The following PTPRG variants were observed in gnomAD, a reference collection of about 807,000 sequenced individuals.
PTPRG encodes receptor-type tyrosine-protein phosphatase gamma.
In PTPRG, 102 loss-of-function variants were observed where a neutral mutation model predicts 165.3. The observed-to-expected ratio is 0.62, with a 90% CI of 0.53 to 0.73. PTPRG has a LOEUF of 0.73. Ranked by LOEUF, PTPRG falls within the 30% of genes least tolerant of loss-of-function variation. The pLI is 0.00. For synonymous variants in PTPRG, 675 were observed against 669.5 expected (o/e 1.01, Z -0.13); for missense variants, 1,866 against 1,861.4 (o/e 1.00, Z -0.05).
At chr3:61,760,757 G>A (rs11916055) in intron 2 of PTPRG, among the ~76,000 whole-genome samples, 8,251 of 152,076 alleles carry the variant, frequency 0.054, 575 homozygotes, top group African/African-American at 0.16. Flanking sequence ...GCTCTCCCTC[G>A]CCCCTCCCTG....
At chr3:61,703,792 C>T (rs1231970493) in intron 1 of PTPRG, among the ~76,000 whole-genome samples, 1 of 152,014 alleles carries the variant, frequency 6.6e-6, no homozygotes, top group Non-Finnish European at 1.5e-5. Flanking sequence ...AAGGAAATTC[C>T]CAATTCTATT....
At chr3:62,186,892 G>A (rs1395410425) in intron 8 of PTPRG, among the ~76,000 whole-genome samples, 3 of 152,138 alleles carry the variant, frequency 2.0e-5, no homozygotes, top group African/African-American at 7.2e-5. Flanking sequence ...TAAGGGGGCT[G>A]GGGTGGGGGC....
chr3:62,275,926 G>C lies in PTPRG; in HGVS notation c.3519G>C (p.Glu1173Asp), dbSNP rs374009338. 5 of 1,611,892 alleles carry C rather than the reference G, an allele frequency of 3.1e-6. No individual in the cohort carries two copies. The highest frequency in any genetic ancestry group is 1.3e-5 in the African/African-American group (1 of 74,826). Reference sequence around the variant, plus strand: ...TGGAATGTTTCAGTGCTCAGAAAGAGTGTAACAAAGAAAAGAACAGAAACT... The same window carrying C: ...TGGAATGTTTCAGTGCTCAGAAAGACTGTAACAAAGAAAAGAACAGAAACT... ...KYVECFSAQK[E>D]CNKEKNRNSS... The change falls in exon 24 of 30, where the codon GAG (glutamate) becomes GAC (aspartate). Residue 1173 changes from glutamate to aspartate, a missense_variant. This residue lies in a region of PTPRG where 1,452 missense variants were observed against 1,463.0 expected (regional missense o/e 0.99). Coordinates refer to ENST00000474889, the MANE Select transcript of PTPRG (RefSeq NM_002841.4).
intron 1 of PTPRG, among the ~76,000 whole-genome samples, chr3:61,692,181 GT>G (rs1172510114): frequency 6.6e-6 from 1 of 152,204 alleles, no homozygotes; most frequent in Non-Finnish European, 1.5e-5. Flanking sequence ...TTGATGAAGA[GT>G]TTTATGTTGC....
chr3:61,780,955 A>G (rs915916353), intron 2 of PTPRG, among the ~76,000 whole-genome samples: 2 of 152,268 alleles, frequency 1.3e-5, no homozygotes, highest in Non-Finnish European at 2.9e-5. Context: ...GAGCTCTCCT[A>G]CAACAGGCCT....
At chr3:61,649,705 G>A (rs900406303) in intron 1 of PTPRG, among the ~76,000 whole-genome samples, 1 of 152,196 alleles carries the variant, frequency 6.6e-6, no homozygotes, top group African/African-American at 2.4e-5. Flanking sequence ...TGGATTTATT[G>A]TGTTGAGTAT....
intron 2 of PTPRG, among the ~76,000 whole-genome samples, chr3:61,762,156 C>T (rs539697456): frequency 6.0e-4 from 91 of 152,286 alleles, no homozygotes; most frequent in Non-Finnish European, 1.2e-3. Flanking sequence ...ATGGTCCACA[C>T]TCTCCTCTTG....
chr3:61,755,963 A>G (rs2033620807), intron 2 of PTPRG, among the ~76,000 whole-genome samples: 2 of 152,260 alleles, frequency 1.3e-5, no homozygotes, highest in South Asian at 2.1e-4. Flanking sequence ...GCAGGATGAA[A>G]AATGATGGGG....
intron 2 of PTPRG, among the ~76,000 whole-genome samples, chr3:61,938,295 G>A (rs1210993234): frequency 6.7e-6 from 1 of 149,382 alleles, no homozygotes; most frequent in African/African-American, 2.5e-5. Context: ...CACATGATAC[G>A]GGTGTATAAA....
rs543069596 is a variant in PTPRG, at chr3:62,053,056, A to C, written c.520-25107A>C. On this transcript the variant is annotated intron_variant, in intron 4 of 29. Coordinates refer to ENST00000474889, the MANE Select transcript of PTPRG (RefSeq NM_002841.4). ...GAATCCATTCGCTTTTCCAGTTTCA[A>C]TAGTGTTTGACAAAAGGAATGTGTT... is the stretch of plus-strand genomic sequence containing the variant. Among the ~76,000 whole-genome samples, 156 of 152,236 alleles carry C rather than the reference A, an allele frequency of 1.0e-3. 1 individual carries two copies. The highest frequency in any genetic ancestry group is 3.4e-3 in the Middle Eastern group (1 of 292).
At position 61,969,673 on chromosome 3, in the gene PTPRG, C is replaced by G. The variant is rs28550151; in HGVS notation, c.191-19952C>G. Among the ~76,000 whole-genome samples the G allele has an allele frequency of 1.4e-4, 22 of 152,180 alleles. 1 individual carries two copies. The highest frequency in any genetic ancestry group is 3.4e-3 in the Middle Eastern group (1 of 294). ...ACCTACAGACTCGGTCACCCTCAGT[C>G]CCTGCATCGTGCATGGACCCTGGTG... On this transcript the variant is annotated intron_variant, in intron 2 of 29. Transcript: ENST00000474889.
rs1702125848 is a variant in PTPRG, at chr3:62,273,098, A to T, written c.3318+17A>T. The T allele has an allele frequency of 2.5e-6, 4 of 1,596,014 alleles. No homozygotes were observed. In the East Asian group the frequency reaches 9.0e-5, roughly 36 times the overall value. On this transcript the variant is annotated intron_variant, in intron 22 of 29. Transcript: ENST00000474889. The surrounding 1 kb of genome is among the most constrained non-coding windows in gnomAD (Gnocchi z 4.1). ...CAGACTGAGGTAAGGAGTAGCTGCC[A>T]GCGTCCTCACGACATTCTGGCAAAT...
At chr3:62,262,927 C>A (rs527810513) in intron 17 of PTPRG, 33 bp downstream of exon 17, 2 of 1,501,126 alleles carry the variant, frequency 1.3e-6, no homozygotes, top group African/African-American at 2.8e-5. Context: ...CCTTCAACTG[C>A]GAGGAAATTA....
chr3:62,054,794 G>C (rs1263029569), intron 4 of PTPRG, among the ~76,000 whole-genome samples: 1 of 152,202 alleles, frequency 6.6e-6, no homozygotes, highest in Non-Finnish European at 1.5e-5. Context: ...GTATGTGACA[G>C]GGAATTCAAA....
At position 62,282,876 on chromosome 3, in the gene PTPRG, A is replaced by G; in HGVS notation, c.4055+7A>G. On this transcript the variant is annotated splice_region_variant and intron_variant, in intron 28 of 29. Transcript: ENST00000474889. Reference sequence around the variant, plus strand: ...CCACCATTGTTCATGATGAGTATGTATCTGTTTCTTAATTTTAAAATGTAG... The same window carrying G: ...CCACCATTGTTCATGATGAGTATGTGTCTGTTTCTTAATTTTAAAATGTAG... 1 of 1,589,056 alleles carries G rather than the reference A, an allele frequency of 6.3e-7. No individual in the cohort carries two copies. The highest frequency in any genetic ancestry group is 1.8e-5 in the Admixed American group (1 of 55,002).
intron 1 of PTPRG, among the ~76,000 whole-genome samples, chr3:61,738,279 CATATATATAT>C (rs1169177844): frequency 2.6e-4 from 4 of 15,500 alleles, no homozygotes; most frequent in South Asian, 3.9e-3. Flanking sequence ...TATATATATA[CATATATATAT>C]ATATATATAT....
chr3:61,737,026 C>T (rs1277909004), intron 1 of PTPRG, among the ~76,000 whole-genome samples: 1 of 152,186 alleles, frequency 6.6e-6, no homozygotes, highest in Non-Finnish European at 1.5e-5. Context: ...TTCTCCCCAA[C>T]ACCAGCTCAT....
intron 2 of PTPRG, among the ~76,000 whole-genome samples, chr3:61,817,817 G>T (rs1366574116): frequency 1.3e-5 from 2 of 152,182 alleles, no homozygotes; most frequent in Non-Finnish European, 2.9e-5. Flanking sequence ...AGACTGCAGT[G>T]GAGCAAGATG....
intron 28 of PTPRG, among the ~76,000 whole-genome samples, chr3:62,287,543 T>C (rs908585430): frequency 1.3e-5 from 2 of 151,594 alleles, no homozygotes. Context: ...ACTAGTGGAG[T>C]GTAGAACTGA....
Sources: allele counts gnomAD v4.1 joint callset (sites outside exome capture counted in the v4.1 genomes callset), GRCh38; gene constraint gnomAD v4.1.1; regional missense constraint gnomAD v4.1.1; non-coding constraint Gnocchi (gnomAD v3.1); transcripts MANE v1.5; gene names NCBI Gene and HGNC (gene_info 2026-07-23, HGNC 2026-07-21).